The following ZNF621 variants were observed in gnomAD, a reference collection of about 807,000 sequenced individuals.
The protein encoded by ZNF621 is zinc finger protein 621.
In ZNF621, 6 loss-of-function variants were observed where a neutral mutation model predicts 12.7. The ratio of observed to expected loss-of-function variants is 0.47; its 90% confidence interval spans 0.26 to 0.93. The LOEUF (loss-of-function observed/expected upper bound fraction) is 0.93, where lower values mean the gene tolerates loss of function less well. ZNF621 is among the 40% of genes least tolerant of loss of function. ZNF621 has a pLI of 0.15. For synonymous variants in ZNF621, 156 were observed against 190.3 expected, an observed-to-expected ratio of 0.82 and a Z score of 1.48; for missense variants, 474 against 524.0, an observed-to-expected ratio of 0.90 and a Z score of 0.93.
chr3:40,530,624 A>G (rs1203055051), intron 4 of ZNF621, among the ~76,000 whole-genome samples: 2 of 152,182 alleles, frequency 1.3e-5, no homozygotes, highest in African/African-American at 2.4e-5. Context: ...GCCATTTTTC[A>G]TTGCAAAGAA....
rs1219521711 is a variant in ZNF621 at position 40,539,498 on chromosome 3, A to C, written c.*6408A>C. ...TTGCAAACTTAATAGACTATAATAT[A>C]GATTAAACATAACTTTTATAGGTAC... On this transcript the variant is annotated 3_prime_UTR_variant, in exon 5 of 5. Coordinates refer to ENST00000339296, the MANE Select transcript of ZNF621 (RefSeq NM_198484.5). The C allele has an allele frequency of 6.6e-6, 1 of 152,260 alleles. No homozygotes were observed. The highest frequency in any genetic ancestry group is 6.5e-5 in the Admixed American group (1 of 15,284). 9.4% of individuals were successfully genotyped at this position (152,260 alleles called of 1,614,324 possible). A position where few individuals can be genotyped will look rare whatever the true frequency, so the allele number is the denominator to read the frequency against.
Position 40,533,384 on chromosome 3 carries a change from G to A in ZNF621, c.*294G>A, listed in dbSNP as rs576727313. 3.1e-4 allele frequency: 104 copies of A among 335,428 alleles called. No individual in the cohort carries two copies. The highest frequency in any genetic ancestry group is 1.9e-3 in the African/African-American group (90 of 48,276). 20.8% of individuals were successfully genotyped at this position (335,428 alleles called of 1,614,324 possible). The stretch of plus-strand genomic sequence containing the variant: ...TCAAACACCTGACCTCAAGTGATCC[G>A]CCTGCCTTGGCCCCCCAAAGTGCTG... On this transcript the variant is annotated 3_prime_UTR_variant, in exon 5 of 5. Coordinates refer to ENST00000339296, the MANE Select transcript of ZNF621 (RefSeq NM_198484.5).
At position 40,536,732 on chromosome 3, in the gene ZNF621, G is replaced by A. The variant is rs1371742356; in HGVS notation, c.*3642G>A. The A allele has an allele frequency of 1.3e-5, 2 of 152,086 alleles. No homozygotes were observed. The highest frequency in any genetic ancestry group is 4.8e-5 in the African/African-American group (2 of 41,424). 9.4% of individuals were successfully genotyped at this position (152,086 alleles called of 1,614,324 possible). A position where few individuals can be genotyped will look rare whatever the true frequency, so the allele number is the denominator to read the frequency against. The stretch of plus-strand genomic sequence containing the variant: ...TCATTTTATTGCAGTTTGTTTTATT[G>A]TGTCTTGCGGATATTGCATTTTTTA... On this transcript the variant is annotated 3_prime_UTR_variant, in exon 5 of 5. Transcript: ENST00000339296.
chr3:40,526,240 G>C (rs1461307348), intron 2 of ZNF621, among the ~76,000 whole-genome samples: 1 of 152,096 alleles, frequency 6.6e-6, no homozygotes, highest in Non-Finnish European at 1.5e-5. Context: ...CTATGATATC[G>C]GCTCACTGCA....
In ZNF621 at chr3:40,538,591, CAA is replaced by C. The variant is rs1698927146; in HGVS notation, c.*5503_*5504del. ...ACCCAAGAGTTCTGATGGAGATGTA[CAA>C]AGAGATTAATGTTTTTATGTCTGCT... On this transcript the variant is annotated 3_prime_UTR_variant, in exon 5 of 5. Coordinates refer to ENST00000339296, the MANE Select transcript of ZNF621 (RefSeq NM_198484.5). 1 of 154,286 alleles carries C rather than the reference CAA, an allele frequency of 6.5e-6. No individual in the cohort carries two copies. Among genetic ancestry groups the C allele is most frequent in the African/African-American group, 2.4e-5 (1 of 41,382 alleles). The allele number at this position is 154,286 out of a possible 1,614,324, so 9.6% of individuals were successfully genotyped here.
chr3:40,533,250 C>G lies in ZNF621; in HGVS notation c.*160C>G, dbSNP rs138966355. On this transcript the variant is annotated 3_prime_UTR_variant, in exon 5 of 5. Transcript: ENST00000339296. ...CCCCCTCCTGGGTTCAAGCGATTCT[C>G]CTCCTTCAGACTCTCGAATAGCTGG... is the stretch of plus-strand genomic sequence containing the variant. The G allele has an allele frequency of 2.2e-3, 2,579 of 1,192,190 alleles. 43 individuals are homozygous for G. In the African/African-American group the frequency reaches 0.033, roughly 15 times the overall value. 73.9% of individuals were successfully genotyped at this position (1,192,190 alleles called of 1,614,324 possible). A position where few individuals can be genotyped will look rare whatever the true frequency, so the allele number is the denominator to read the frequency against.
chr3:40,526,169 T>C (rs2125671294), intron 2 of ZNF621, among the ~76,000 whole-genome samples: 1 of 152,262 alleles, frequency 6.6e-6, no homozygotes, highest in South Asian at 2.1e-4. Context: ...CCTACTGAAA[T>C]CAGACTCATT....
At chr3:40,526,912 A>G (rs531939160) in intron 2 of ZNF621, among the ~76,000 whole-genome samples, 1 of 152,168 alleles carries the variant, frequency 6.6e-6, no homozygotes, top group East Asian at 1.9e-4. Flanking sequence ...CTTGAGTGCA[A>G]TGGCGCTATC....
chr3:40,530,399 T>C, intron 4 of ZNF621, 83 bp downstream of exon 4: 1 of 1,086,154 alleles, frequency 9.2e-7, no homozygotes. Context: ...TGCTGCAGGG[T>C]ACAAATCTCC....
chr3:40,535,981 G>C lies in ZNF621; in HGVS notation c.*2891G>C, dbSNP rs1440102517. 1.3e-5 allele frequency: 2 copies of C among 151,990 alleles called. No individual in the cohort carries two copies. Among genetic ancestry groups the C allele is most frequent in the African/African-American group, 4.8e-5 (2 of 41,378 alleles). The allele number at this position is 151,990 out of a possible 1,614,324, so 9.4% of individuals were successfully genotyped here. A position where few individuals can be genotyped will look rare whatever the true frequency, so the allele number is the denominator to read the frequency against. ...CTAACCTAGTTTTGAAGAACAAGATGGGGGGTTTTATGCTACCAGATATTA... is the reference window on the plus strand; with the variant it reads ...CTAACCTAGTTTTGAAGAACAAGATCGGGGGTTTTATGCTACCAGATATTA... On this transcript the variant is annotated 3_prime_UTR_variant, in exon 5 of 5. Transcript: ENST00000339296.
Position 40,537,100 on chromosome 3 carries a change from A to G in ZNF621, c.*4010A>G, listed in dbSNP as rs1028043453. The G allele has an allele frequency of 2.6e-5, 4 of 152,202 alleles. No individual in the cohort carries two copies. The highest frequency in any genetic ancestry group is 5.9e-5 in the Non-Finnish European group (4 of 68,042). The allele number at this position is 152,202 out of a possible 1,614,324, so 9.4% of individuals were successfully genotyped here. A position where few individuals can be genotyped will look rare whatever the true frequency, so the allele number is the denominator to read the frequency against. ...TGAAATTAGACCAATTGATAACCTT[A>G]CAAACACCTTTAAGTGTTTAAGTGA... is the stretch of plus-strand genomic sequence containing the variant. On this transcript the variant is annotated 3_prime_UTR_variant, in exon 5 of 5. Coordinates refer to ENST00000339296, the MANE Select transcript of ZNF621 (RefSeq NM_198484.5).
chr3:40,538,407 G>A lies in ZNF621; in HGVS notation c.*5317G>A. On this transcript the variant is annotated 3_prime_UTR_variant, in exon 5 of 5. Coordinates refer to ENST00000339296, the MANE Select transcript of ZNF621 (RefSeq NM_198484.5). Reference sequence around the variant, plus strand: ...GTGTGCCTGTAATCCCAGCTACTTGGGAGGCTGAGGCAGGAGAATTGCTTG... The same window carrying A: ...GTGTGCCTGTAATCCCAGCTACTTGAGAGGCTGAGGCAGGAGAATTGCTTG... The A allele has an allele frequency of 4.9e-6, 1 of 204,772 alleles. No individual in the cohort carries two copies. The highest frequency in any genetic ancestry group is 1.0e-5 in the Non-Finnish European group (1 of 97,600). The allele number at this position is 204,772 out of a possible 1,614,324, so 12.7% of individuals were successfully genotyped here.
Position 40,538,089 on chromosome 3 carries a change from A to T in ZNF621, c.*4999A>T, listed in dbSNP as rs1484473841. ...CATTCAGAAAATCCTAGGGCCCATA[A>T]GAATTATGCTAAATCCACTCTGCCT... On this transcript the variant is annotated 3_prime_UTR_variant, in exon 5 of 5. Coordinates refer to ENST00000339296, the MANE Select transcript of ZNF621 (RefSeq NM_198484.5). Among the ~76,000 whole-genome samples the T allele has an allele frequency of 6.6e-6, 1 of 152,246 alleles. No individual in the cohort carries two copies. Among genetic ancestry groups the T allele is most frequent in the Non-Finnish European group, 1.5e-5 (1 of 68,040 alleles).
Position 40,532,296 on chromosome 3 carries a change from G to T in ZNF621, c.526G>T (p.Glu176Ter). Reference sequence around the variant, plus strand: ...TCGGCATCAGATGAGTCATACTGGGGAAAAGCCCTTTAAGTGTAAGGAGTG... The same window carrying T: ...TCGGCATCAGATGAGTCATACTGGGTAAAAGCCCTTTAAGTGTAAGGAGTG... ...LIRHQMSHTG[E>*]KPFKCKECGK... Residue 176 changes from glutamate (E) to a stop codon, truncating the protein, a stop_gained, in exon 5 of 5, where the codon GAA (glutamate) becomes TAA (stop). Coordinates refer to ENST00000339296, the MANE Select transcript of ZNF621 (RefSeq NM_198484.5). LOFTEE classifies it low-confidence loss of function (END_TRUNC). The T allele has an allele frequency of 6.2e-7, 1 of 1,612,934 alleles. No individual in the cohort carries two copies. Among genetic ancestry groups the T allele is most frequent in the Non-Finnish European group, 8.5e-7 (1 of 1,180,038 alleles).
intron 2 of ZNF621, among the ~76,000 whole-genome samples, chr3:40,529,088 C>T (rs527578986): frequency 2.0e-5 from 3 of 152,296 alleles, no homozygotes; most frequent in South Asian, 2.1e-4. Context: ...GCAGCAGTTA[C>T]GGGCTCCAGA....
chr3:40,530,068 A>G, intron 3 of ZNF621, 141 bp from the exon 4 acceptor site: 3 of 629,870 alleles, frequency 4.8e-6, no homozygotes, highest in Non-Finnish European at 8.4e-6. Context: ...CACAGTTTGG[A>G]CCTCCTTGTC....
chr3:40,526,356 A>G (rs1468138103), intron 2 of ZNF621, among the ~76,000 whole-genome samples: 4 of 152,172 alleles, frequency 2.6e-5, no homozygotes, highest in Admixed American at 6.5e-5. Context: ...TTTTTAGTAG[A>G]GACGGGGTTT....
At position 40,533,266 on chromosome 3, in the gene ZNF621, G is replaced by T. The variant is rs1384915000; in HGVS notation, c.*176G>T. 15 of 1,050,488 alleles carry T rather than the reference G, an allele frequency of 1.4e-5. No homozygotes were observed. The highest frequency in any genetic ancestry group is 3.0e-5 in the Admixed American group (1 of 33,874). The allele number at this position is 1,050,488 out of a possible 1,614,324, so 65.1% of individuals were successfully genotyped here. Reference sequence around the variant, plus strand: ...AGCGATTCTCCTCCTTCAGACTCTCGAATAGCTGGGATTACAGGCACGCCT... The same window carrying T: ...AGCGATTCTCCTCCTTCAGACTCTCTAATAGCTGGGATTACAGGCACGCCT... On this transcript the variant is annotated 3_prime_UTR_variant, in exon 5 of 5. Transcript: ENST00000339296.
At position 40,533,316 on chromosome 3, in the gene ZNF621, T is replaced by C. The variant is rs1698784061; in HGVS notation, c.*226T>C. The C allele has an allele frequency of 4.4e-6, 3 of 675,288 alleles. No individual in the cohort carries two copies. Among genetic ancestry groups the C allele is most frequent in the Admixed American group, 3.3e-5 (1 of 29,946 alleles). The allele number at this position is 675,288 out of a possible 1,614,324, so 41.8% of individuals were successfully genotyped here. A position where few individuals can be genotyped will look rare whatever the true frequency, so the allele number is the denominator to read the frequency against. On this transcript the variant is annotated 3_prime_UTR_variant, in exon 5 of 5. Coordinates refer to ENST00000339296, the MANE Select transcript of ZNF621 (RefSeq NM_198484.5). The stretch of plus-strand genomic sequence containing the variant: ...TCACCACGCCCAGCTAATTTCTGTA[T>C]TTTTAGAAGAGATGGGGTTTCGCCA...
Sources: allele counts gnomAD v4.1 joint callset (sites outside exome capture counted in the v4.1 genomes callset), GRCh38; gene constraint gnomAD v4.1.1; transcripts MANE v1.5; gene names NCBI Gene and HGNC (gene_info 2026-07-23, HGNC 2026-07-21).